The following USP46 variants were observed in gnomAD, a reference collection of about 807,000 sequenced individuals.
The protein encoded by USP46 is ubiquitin specific peptidase 46.
USP46 carries 12 observed loss-of-function variants against 44.4 expected under a neutral mutation model. The observed-to-expected ratio is 0.27, with a 90% CI of 0.17 to 0.44. The LOEUF is 0.44. Ranked by LOEUF, USP46 falls within the 20% of genes least tolerant of loss-of-function variation. The pLI, the probability that USP46 is intolerant of heterozygous loss-of-function variation, is 1.00. For missense variants in USP46, 248 were observed against 444.8 expected, an observed-to-expected ratio of 0.56 and a Z score of 3.98; for synonymous variants, 155 against 161.5, an observed-to-expected ratio of 0.96 and a Z score of 0.31.
chr4:52,601,223 C>T (rs1286928987), intron 7 of USP46, among the ~76,000 whole-genome samples: 1 of 152,150 alleles, frequency 6.6e-6, no homozygotes, highest in African/African-American at 2.4e-5. Context: ...CAAAGAATAA[C>T]AAACAGGTGA....
At chr4:52,613,845 A>G (rs55930653) in intron 4 of USP46, among the ~76,000 whole-genome samples, 19,839 of 152,208 alleles carry the variant, frequency 0.13, 1,321 homozygotes, top group African/African-American at 0.17. Context: ...TACCTAAGAC[A>G]TTGTTAAAAG....
intron 4 of USP46, among the ~76,000 whole-genome samples, chr4:52,617,487 T>C (rs1717199333): frequency 6.6e-6 from 1 of 152,244 alleles, no homozygotes; most frequent in Non-Finnish European, 1.5e-5. Flanking sequence ...AAAGTCACTG[T>C]ACCTCTCTCA....
rs930104965 is a variant in USP46 at position 52,659,210 on chromosome 4, C to T, written c.-60G>A. 6 of 1,470,864 alleles carry T rather than the reference C, an allele frequency of 4.1e-6. No homozygotes were observed. The African/African-American group carries it at 5.8e-5, about 14-fold the overall frequency. The allele number at this position is 1,470,864 out of a possible 1,614,324, so 91.1% of individuals were successfully genotyped here. A position where few individuals can be genotyped will look rare whatever the true frequency, so the allele number is the denominator to read the frequency against. On this transcript the variant is annotated 5_prime_UTR_variant, in exon 1 of 9. Transcript: ENST00000441222. The surrounding 1 kb of genome is among the most constrained non-coding windows in gnomAD (Gnocchi z 4.2). ...CTTTACAAGGGGAAACCGGGACTGC[C>T]CATGGTGGCGCGCTGGCGGGGAGGC...
chr4:52,593,607 G>A lies in USP46; in HGVS notation c.*4033C>T, dbSNP rs1716114943. ...CTGAGGCCACATGGCATGGACCTGTGCCTGCCCTCCTTCTGGGGCAGGGAG... is the reference window on the plus strand; with the variant it reads ...CTGAGGCCACATGGCATGGACCTGTACCTGCCCTCCTTCTGGGGCAGGGAG... On this transcript the variant is annotated 3_prime_UTR_variant, in exon 9 of 9. Coordinates refer to ENST00000441222, the MANE Select transcript of USP46 (RefSeq NM_022832.4). 2 of 152,256 alleles carry A rather than the reference G, an allele frequency of 1.3e-5. No homozygotes were observed. Among genetic ancestry groups the A allele is most frequent in the Admixed American group, 6.5e-5 (1 of 15,290 alleles). The allele number at this position is 152,256 out of a possible 1,614,324, so 9.4% of individuals were successfully genotyped here.
intron 1 of USP46, among the ~76,000 whole-genome samples, chr4:52,638,930 T>G (rs2109651244): frequency 6.6e-6 from 1 of 152,246 alleles, no homozygotes; most frequent in East Asian, 1.9e-4. Flanking sequence ...TCCCTTCCCT[T>G]TTATAGACAC....
intron 3 of USP46, 58 bp from the exon 4 acceptor site, chr4:52,626,305 A>C: frequency 6.9e-7 from 1 of 1,440,430 alleles, no homozygotes; most frequent in Non-Finnish European, 9.5e-7. Context: ...AATGGATGTA[A>C]TTAGTGTTAC....
rs1383716872 is a variant in USP46, at chr4:52,594,580, G to A, written c.*3060C>T. On this transcript the variant is annotated 3_prime_UTR_variant, in exon 9 of 9. Transcript: ENST00000441222. ...TTTAGTGCACAATATTTTAATACACGTGAATATACAAAGTTGATCAAAATG... is the reference window on the plus strand; with the variant it reads ...TTTAGTGCACAATATTTTAATACACATGAATATACAAAGTTGATCAAAATG... 1 of 152,172 alleles carries A rather than the reference G, an allele frequency of 6.6e-6. No homozygotes were observed. Among genetic ancestry groups the A allele is most frequent in the African/African-American group, 2.4e-5 (1 of 41,438 alleles). The allele number at this position is 152,172 out of a possible 1,614,324, so 9.4% of individuals were successfully genotyped here.
intron 4 of USP46, among the ~76,000 whole-genome samples, chr4:52,619,298 A>AG (rs1717287681): frequency 6.8e-6 from 1 of 146,678 alleles, no homozygotes; most frequent in Admixed American, 6.8e-5. Context: ...GGTGAGACCC[A>AG]GGAAAAAAAA....
At chr4:52,657,557 TAA>T (rs1049260412) in intron 1 of USP46, among the ~76,000 whole-genome samples, 1 of 151,954 alleles carries the variant, frequency 6.6e-6, no homozygotes, top group African/African-American at 2.4e-5. Flanking sequence ...CCAACAGACA[TAA>T]AAGAGTATTC....
At chr4:52,628,221 A>T in intron 2 of USP46, 58 bp from the exon 3 acceptor site, 1 of 1,549,056 alleles carries the variant, frequency 6.5e-7, no homozygotes, top group South Asian at 1.2e-5. Flanking sequence ...CCACCTCTGG[A>T]ATAAGTGGTG....
At chr4:52,652,992 G>A (rs1017478216) in intron 1 of USP46, among the ~76,000 whole-genome samples, 2 of 152,122 alleles carry the variant, frequency 1.3e-5, no homozygotes, top group South Asian at 4.1e-4. Flanking sequence ...AGAAAAGGAA[G>A]GTTGGCCCTA....
intron 1 of USP46, among the ~76,000 whole-genome samples, chr4:52,634,984 T>C (rs1043452576): frequency 6.6e-6 from 1 of 152,064 alleles, no homozygotes; most frequent in Admixed American, 6.6e-5. Flanking sequence ...ACCCCTCCCA[T>C]AGACACCCTG....
At chr4:52,620,797 G>A (rs552835622) in intron 4 of USP46, among the ~76,000 whole-genome samples, 15 of 152,326 alleles carry the variant, frequency 9.8e-5, no homozygotes, top group Admixed American at 6.5e-4. Context: ...ATGGGTTCAG[G>A]TGCACTAGAG....
At chr4:52,621,755 C>T (rs1332363167) in intron 4 of USP46, among the ~76,000 whole-genome samples, 1 of 152,184 alleles carries the variant, frequency 6.6e-6, no homozygotes, top group Admixed American at 6.5e-5. Flanking sequence ...TGCACATGCC[C>T]TATGGCCAGC....
chr4:52,625,844 T>C (rs1371210847), intron 4 of USP46, among the ~76,000 whole-genome samples, 174 bp downstream of exon 4: 1 of 152,242 alleles, frequency 6.6e-6, no homozygotes, highest in Non-Finnish European at 1.5e-5. Flanking sequence ...TGAGACATCC[T>C]GGATGGATAT....
chr4:52,648,306 T>C (rs1228422819), intron 1 of USP46, among the ~76,000 whole-genome samples: 1 of 152,156 alleles, frequency 6.6e-6, no homozygotes. Flanking sequence ...TCACCCAAAC[T>C]ATGGGCCATG....
intron 5 of USP46, among the ~76,000 whole-genome samples, chr4:52,609,978 T>G (rs1345006404): frequency 8.4e-6 from 1 of 118,682 alleles, no homozygotes; most frequent in Admixed American, 1.1e-4. Flanking sequence ...CAGGCTGGAG[T>G]GCAGTGGCGC....
intron 4 of USP46, among the ~76,000 whole-genome samples, chr4:52,615,905 C>A (rs1246959137): frequency 2.0e-5 from 3 of 152,052 alleles, no homozygotes; most frequent in Admixed American, 2.0e-4. Context: ...TCAAAAAATT[C>A]ATAAAACAAA....
intron 1 of USP46, among the ~76,000 whole-genome samples, chr4:52,632,105 T>C (rs1717851036): frequency 6.6e-6 from 1 of 152,056 alleles, no homozygotes; most frequent in Admixed American, 6.6e-5. Flanking sequence ...ACTATCCCCA[T>C]TGCACGGACA....
Sources: allele counts gnomAD v4.1 joint callset (sites outside exome capture counted in the v4.1 genomes callset), GRCh38; gene constraint gnomAD v4.1.1; non-coding constraint Gnocchi (gnomAD v3.1); transcripts MANE v1.5; gene names NCBI Gene and HGNC (gene_info 2026-07-23, HGNC 2026-07-21).